NLGN4X: variants seen among roughly 807,000 people sequenced by gnomAD.
NLGN4X encodes neuroligin-4, X-linked.
NLGN4X carries 3 observed loss-of-function variants against 40.3 expected under a neutral mutation model. The ratio of observed to expected loss-of-function variants is 0.07; its 90% CI spans 0.03 to 0.19. The LOEUF (loss-of-function observed/expected upper bound fraction) is 0.19. NLGN4X is among the 10% of genes least tolerant of loss of function. The pLI is 1.00. For missense variants in NLGN4X, 382 were observed against 708.3 expected, an observed-to-expected ratio of 0.54 and a Z score of 5.23; for synonymous variants, 270 against 306.8, an observed-to-expected ratio of 0.88 and a Z score of 1.25.
At position 6,117,005 on chromosome X, in the gene NLGN4X, A is replaced by C. The variant is rs189032900; in HGVS notation, c.472+33990T>G. ...TGCTTTTTCCACATAAGAAAATCAAATTTTTCTTCATTATTTGGTGAGGAC... is the reference window on the plus strand; with the variant it reads ...TGCTTTTTCCACATAAGAAAATCAACTTTTTCTTCATTATTTGGTGAGGAC... On this transcript the variant is annotated intron_variant, in intron 2 of 5. Transcript: ENST00000381095. Among the ~76,000 whole-genome samples, 60 of 111,024 alleles carry C rather than the reference A, an allele frequency of 5.4e-4. 1 individual carries two copies. Among genetic ancestry groups the C allele is most frequent in the Admixed American group, 4.6e-3 (48 of 10,489 alleles).
intron 5 of NLGN4X, among the ~76,000 whole-genome samples, chrX:5,898,022 C>G (rs1277282255): frequency 1.0e-5 from 1 of 100,111 alleles, no homozygotes; most frequent in Admixed American, 1.1e-4. Flanking sequence ...TCCTCCCTCC[C>G]TTCCTTCTTT....
intron 2 of NLGN4X, among the ~76,000 whole-genome samples, chrX:6,147,925 T>C (rs1415153279): frequency 8.9e-6 from 1 of 112,068 alleles, no homozygotes; most frequent in Non-Finnish European, 1.9e-5. Flanking sequence ...TAGGAAATAG[T>C]TATAAAGACC....
chrX:5,930,113 G>GT (rs897416561), intron 3 of NLGN4X, among the ~76,000 whole-genome samples: 1 of 111,775 alleles, frequency 8.9e-6, no homozygotes, highest in Admixed American at 9.5e-5. Flanking sequence ...TGCTTCTTCT[G>GT]TTTTTTCAAA....
chrX:6,188,762 T>C (rs1431111558), intron 1 of NLGN4X, among the ~76,000 whole-genome samples: 1 of 111,884 alleles, frequency 8.9e-6, no homozygotes, highest in African/African-American at 3.2e-5. Context: ...AGGAATGCCA[T>C]GAAAGGAATT....
At chrX:6,178,830 G>C (rs939726554) in intron 1 of NLGN4X, among the ~76,000 whole-genome samples, 2 of 111,279 alleles carry the variant, frequency 1.8e-5, no homozygotes, top group African/African-American at 6.6e-5. Context: ...GTGGCTGGGC[G>C]TGGCGGCTTA....
chrX:6,160,763 C>T lies in NLGN4X; in HGVS notation c.-305-8992G>A, dbSNP rs373544770. Among the ~76,000 whole-genome samples the T allele has an allele frequency of 1.2e-4, 13 of 109,007 alleles. No individual in the cohort carries two copies. In the South Asian group the frequency reaches 1.5e-3, roughly 13 times the overall value. 94.7% of individuals were successfully genotyped at this position (109,007 alleles called of 115,157 possible). A position where few individuals can be genotyped will look rare whatever the true frequency, so the allele number is the denominator to read the frequency against. ...GTCTTGAACTCCTGACCTCATTATC[C>T]GCCCGCCTTGGCCTCCCAGAGTGCT... On this transcript the variant is annotated intron_variant, in intron 1 of 5. Coordinates refer to ENST00000381095, the MANE Select transcript of NLGN4X (RefSeq NM_181332.3).
chrX:6,077,008 A>G, intron 2 of NLGN4X, among the ~76,000 whole-genome samples: 1 of 111,597 alleles, frequency 9.0e-6, no homozygotes, highest in East Asian at 2.8e-4. Flanking sequence ...CATAGTTCCA[A>G]TATGTTCTTT....
intron 3 of NLGN4X, among the ~76,000 whole-genome samples, chrX:5,996,909 T>C (rs899708084): frequency 9.0e-6 from 1 of 111,636 alleles, no homozygotes; most frequent in African/African-American, 3.2e-5. Flanking sequence ...ATCCTCATCC[T>C]TTTTTAAAAA....
intron 1 of NLGN4X, among the ~76,000 whole-genome samples, chrX:6,222,279 T>G (rs1369164914): frequency 9.0e-6 from 1 of 111,177 alleles, no homozygotes; most frequent in Non-Finnish European, 1.9e-5. Context: ...ATCACATGTC[T>G]GGGGTGATGG....
intron 3 of NLGN4X, among the ~76,000 whole-genome samples, chrX:5,963,536 C>T (rs190180387): frequency 3.0e-4 from 34 of 111,822 alleles, no homozygotes; most frequent in African/African-American, 1.1e-3. Context: ...AAAACATCTC[C>T]TTCCCTCTAA....
intron 3 of NLGN4X, among the ~76,000 whole-genome samples, chrX:5,951,228 C>T (rs779138093): frequency 1.9e-4 from 21 of 111,974 alleles, no homozygotes; most frequent in Non-Finnish European, 3.6e-4. Flanking sequence ...GAACTTTCTT[C>T]CAGTCCAGGA....
chrX:6,192,624 G>A (rs1922644811), intron 1 of NLGN4X, among the ~76,000 whole-genome samples: 1 of 111,761 alleles, frequency 8.9e-6, no homozygotes, highest in Admixed American at 9.5e-5. Context: ...GATAGGCCCA[G>A]GGGTTACAAG....
At chrX:5,946,657 A>C (rs966802122) in intron 3 of NLGN4X, among the ~76,000 whole-genome samples, 8 of 111,615 alleles carry the variant, frequency 7.2e-5, no homozygotes, top group African/African-American at 2.6e-4. Context: ...GACCGCCCAT[A>C]AATGTAGTGG....
chrX:6,057,302 T>C (rs1230104066), intron 2 of NLGN4X, among the ~76,000 whole-genome samples: 3 of 111,605 alleles, frequency 2.7e-5, no homozygotes, highest in African/African-American at 9.8e-5. Context: ...AGAGATTCAG[T>C]GATTTGTCTA....
chrX:5,968,493 GT>G (rs2034911096), intron 3 of NLGN4X, among the ~76,000 whole-genome samples: 1 of 85,396 alleles, frequency 1.2e-5, no homozygotes, highest in Non-Finnish European at 2.3e-5. Context: ...GTGTGTGTGT[GT>G]GTGTGTGTGT....
At chrX:6,163,066 A>G (rs749554463) in intron 1 of NLGN4X, among the ~76,000 whole-genome samples, 2 of 111,523 alleles carry the variant, frequency 1.8e-5, no homozygotes, top group Non-Finnish European at 3.8e-5. Flanking sequence ...CCCCTGAACA[A>G]GCTCTCTCTT....
chrX:6,002,484 C>T (rs1602043482), intron 3 of NLGN4X, among the ~76,000 whole-genome samples: 1 of 112,478 alleles, frequency 8.9e-6, no homozygotes, highest in South Asian at 3.7e-4. Context: ...CTGTACTTGC[C>T]TGTTTACATC....
chrX:6,150,980 C>T lies in NLGN4X; in HGVS notation c.472+15G>A. On this transcript the variant is annotated intron_variant, in intron 2 of 5. Coordinates refer to ENST00000381095, the MANE Select transcript of NLGN4X (RefSeq NM_181332.3). ...GCACAAGAGGTATTGTTTTCTGTTCCAGTGAGGTACTCACCATCTTCCGTG... is the reference window on the plus strand; with the variant it reads ...GCACAAGAGGTATTGTTTTCTGTTCTAGTGAGGTACTCACCATCTTCCGTG... 8.5e-7 allele frequency: 1 copy of T among 1,179,698 alleles called. No individual in the cohort carries two copies. The highest frequency in any genetic ancestry group is 1.8e-5 in the South Asian group (1 of 56,284).
chrX:6,032,421 A>AG (rs386419250), intron 2 of NLGN4X, among the ~76,000 whole-genome samples: 7 of 107,215 alleles, frequency 6.5e-5, no homozygotes, highest in African/African-American at 2.4e-4. Context: ...AAAAAAAAAA[A>AG]GGGCTTCTCT....
Sources: gnomAD v4.1 joint callset for allele counts (sites outside exome capture counted in the v4.1 genomes callset) on GRCh38, gnomAD v4.1.1 for gene constraint, MANE v1.5 for transcripts, NCBI Gene and HGNC (gene_info 2026-07-23, HGNC 2026-07-21) for gene names.